PIGG: variants seen among roughly 807,000 people sequenced by gnomAD.
PIGG encodes GPI ethanolamine phosphate transferase 2, catalytic subunit.
PIGG carries 70 observed loss-of-function variants against 83.2 expected under a neutral mutation model. The ratio of observed to expected loss-of-function variants is 0.84; its 90% CI spans 0.69 to 1.03. PIGG has a LOEUF of 1.03. PIGG is among the 50% of genes least tolerant of loss of function. The pLI, the probability that PIGG is intolerant of heterozygous loss-of-function variation, is 0.00. For synonymous variants in PIGG, 532 were observed against 519.5 expected (o/e 1.02, Z -0.33); for missense variants, 1,257 against 1,233.6 (o/e 1.02, Z -0.28).
In PIGG at chr4:539,252, A is replaced by C. The variant is rs748675097; in HGVS notation, c.2835A>C (p.Leu945Phe). The C allele has an allele frequency of 6.2e-7, 1 of 1,611,876 alleles. No individual in the cohort carries two copies. Among genetic ancestry groups the C allele is most frequent in the Non-Finnish European group, 8.5e-7 (1 of 1,178,076 alleles). Residue 945 changes from leucine (L) to phenylalanine (F), a missense_variant, in exon 13 of 13, where the codon TTA becomes TTC. Coordinates refer to ENST00000453061, the MANE Select transcript of PIGG (RefSeq NM_001127178.3). Reference protein sequence around the residue: ...IVLVTSLRYHLFIWSVFSPKL... With the variant: ...IVLVTSLRYHFFIWSVFSPKL... ...TGGTGACATCTCTGCGTTATCATTT[A>C]TTTATATGGAGTGTATTTTCTCCAA...
chr4:527,175 G>A lies in PIGG; in HGVS notation c.2206G>A (p.Ala736Thr). 1 of 1,613,480 alleles carries A rather than the reference G, an allele frequency of 6.2e-7. No individual in the cohort carries two copies. Among genetic ancestry groups the A allele is most frequent in the Non-Finnish European group, 8.5e-7 (1 of 1,179,832 alleles). ...GCTGCTGGGCGTCTACTGCTACCGG[G>A]CGGCCATCGGGAGTGTCCGGTTCCC... ...LGLLGVYCYR[A>T]AIGSVRFPWR... Residue 736 changes from alanine (A) to threonine (T), a missense_variant, in exon 10 of 13, where the codon GCG (alanine) becomes ACG (threonine). Ala to Thr is a moderately conservative substitution (Grantham distance 58, BLOSUM62 0). Coordinates refer to ENST00000453061, the MANE Select transcript of PIGG (RefSeq NM_001127178.3).
At chr4:502,484 T>C (rs1300246701) in intron 2 of PIGG, among the ~76,000 whole-genome samples, 2 of 152,218 alleles carry the variant, frequency 1.3e-5, no homozygotes, top group Non-Finnish European at 2.9e-5. Context: ...GATACATTTG[T>C]AACCAGACGC....
chr4:519,567 C>T (rs1725104439), intron 6 of PIGG, among the ~76,000 whole-genome samples: 1 of 152,250 alleles, frequency 6.6e-6, no homozygotes. Flanking sequence ...CAGTTGCCTC[C>T]TCTGGATAAC....
intron 12 of PIGG, among the ~76,000 whole-genome samples, chr4:535,647 C>T (rs1469257026): frequency 1.3e-5 from 2 of 152,168 alleles, no homozygotes; most frequent in Non-Finnish European, 2.9e-5. Context: ...ACTGAACCGT[C>T]GCTCTCGCGG....
At chr4:500,947 G>C (rs1553875485) in intron 2 of PIGG, among the ~76,000 whole-genome samples, 2 of 152,200 alleles carry the variant, frequency 1.3e-5, no homozygotes, top group Admixed American at 1.3e-4. Flanking sequence ...AGCCTTTAGA[G>C]TTAATCTAGT....
intron 10 of PIGG, chr4:527,940 C>CAGG (rs1166914089): frequency 1.0e-6 from 1 of 985,124 alleles, no homozygotes; most frequent in Admixed American, 6.2e-5. Flanking sequence ...TAAGCAGAGG[C>CAGG]AGGAGCCTGG....
chr4:505,405 T>C (rs1553878216), intron 2 of PIGG, among the ~76,000 whole-genome samples: 2 of 131,836 alleles, frequency 1.5e-5, no homozygotes, highest in Non-Finnish European at 1.5e-5. Flanking sequence ...ACCTATTTTA[T>C]CCATAAAAAA....
At chr4:518,016 C>T (rs534042674) in intron 6 of PIGG, among the ~76,000 whole-genome samples, 3 of 152,116 alleles carry the variant, frequency 2.0e-5, no homozygotes, top group East Asian at 1.9e-4. Flanking sequence ...CACAAGCTTG[C>T]GCTGAGATGT....
rs1723663997 is a variant in PIGG at position 515,904 on chromosome 4, T to A, written c.902-69T>A. 3 of 1,221,170 alleles carry A rather than the reference T, an allele frequency of 2.5e-6. No individual in the cohort carries two copies. Among genetic ancestry groups the A allele is most frequent in the Non-Finnish European group, 3.6e-6 (3 of 824,528 alleles). 75.6% of individuals were successfully genotyped at this position (1,221,170 alleles called of 1,614,324 possible). On this transcript the variant is annotated intron_variant, in intron 5 of 12. Coordinates refer to ENST00000453061, the MANE Select transcript of PIGG (RefSeq NM_001127178.3). This position sits in a 1 kb window ranked among gnomAD's most constrained non-coding sequence, Gnocchi z 4.2. ...TGGCTCATGTTAGTTGTAGAAGGTC[T>A]AATTCAAGAATGAGTACCATCTTAC...
chr4:512,758 T>C (rs1722580468), intron 5 of PIGG, among the ~76,000 whole-genome samples: 1 of 151,978 alleles, frequency 6.6e-6, no homozygotes, highest in African/African-American at 2.4e-5. Flanking sequence ...GAGGTTGCAG[T>C]GAGCCGAGAT....
intron 12 of PIGG, among the ~76,000 whole-genome samples, chr4:534,824 C>T (rs1413694926): frequency 1.3e-5 from 2 of 152,172 alleles, no homozygotes; most frequent in East Asian, 1.9e-4. Context: ...CCCCCATCCA[C>T]ACACCCGTTT....
intron 12 of PIGG, among the ~76,000 whole-genome samples, chr4:538,944 G>A (rs1731410888): frequency 6.6e-6 from 1 of 152,136 alleles, no homozygotes; most frequent in South Asian, 2.1e-4. Flanking sequence ...AGCCTCCAAG[G>A]GGGCAGGTTG....
intron 5 of PIGG, among the ~76,000 whole-genome samples, chr4:514,032 A>G (rs988207888): frequency 2.6e-5 from 4 of 152,176 alleles, no homozygotes; most frequent in Non-Finnish European, 5.9e-5. Flanking sequence ...CTTTACAACA[A>G]TATCAATCCA....
intron 6 of PIGG, among the ~76,000 whole-genome samples, chr4:518,149 G>A (rs1343593303): frequency 6.6e-6 from 1 of 152,204 alleles, no homozygotes; most frequent in Non-Finnish European, 1.5e-5. Flanking sequence ...GTGAGGTGGA[G>A]GACTTTGGCC....
chr4:517,659 G>C (rs575766530), intron 6 of PIGG, among the ~76,000 whole-genome samples: 1 of 152,110 alleles, frequency 6.6e-6, no homozygotes, highest in South Asian at 2.1e-4. Flanking sequence ...GATGGAGAGT[G>C]GGGGAAGGCC....
At chr4:539,115 T>G (rs777353630) in intron 12 of PIGG, 38 bp from the exon 13 acceptor site, 8 of 1,256,482 alleles carry the variant, frequency 6.4e-6, no homozygotes, top group South Asian at 3.6e-5. Flanking sequence ...GATATGTAAG[T>G]GGCATGTGCT....
rs899791968 is a variant in PIGG, at chr4:523,885, C to T, written c.2041C>T (p.Arg681Trp). ...LNQTGVQWAH[R>W]PDLGHWLTSS... ...CCAGACAGGTGTGCAGTGGGCTCAC[C>T]GGCCTGACCTCGGCCACTGGCTCAC... Residue 681 changes from arginine (R) to tryptophan (W), a missense_variant, in exon 9 of 13, where the codon CGG (arginine) becomes TGG (tryptophan). Coordinates refer to ENST00000453061, the MANE Select transcript of PIGG (RefSeq NM_001127178.3). 21 of 1,545,846 alleles carry T rather than the reference C, an allele frequency of 1.4e-5. No homozygotes were observed. Among genetic ancestry groups the T allele is most frequent in the Non-Finnish European group, 1.8e-5 (20 of 1,140,696 alleles).
chr4:538,125 C>T (rs563379760), intron 12 of PIGG, among the ~76,000 whole-genome samples: 38 of 148,576 alleles, frequency 2.6e-4, no homozygotes, highest in African/African-American at 9.8e-4. Flanking sequence ...CCCACACACC[C>T]AGACACACAC....
intron 12 of PIGG, chr4:536,673 CAGG>C (rs1310378670): frequency 6.6e-6 from 1 of 152,308 alleles, no homozygotes; most frequent in African/African-American, 2.4e-5. Context: ...CTTACAGAAA[CAGG>C]AGACGCCGTC....
Sources: allele counts gnomAD v4.1 joint callset (sites outside exome capture counted in the v4.1 genomes callset), GRCh38; gene constraint gnomAD v4.1.1; non-coding constraint Gnocchi (gnomAD v3.1); transcripts MANE v1.5; gene names NCBI Gene and HGNC (gene_info 2026-07-23, HGNC 2026-07-21).